Variants in CERT1 observed in about 807,000 individuals in gnomAD.
The protein encoded by CERT1 is ceramide transfer protein.
A neutral mutation model predicts 87.9 loss-of-function variants in CERT1; 31 were observed. The observed-to-expected ratio is 0.35, with a 90% CI of 0.27 to 0.48. CERT1 has a LOEUF of 0.48. CERT1 is among the 20% of genes least tolerant of loss of function. CERT1 has a pLI of 0.99. For missense variants in CERT1, 487 were observed against 758.0 expected, an observed-to-expected ratio of 0.64 and a Z score of 4.20; for synonymous variants, 289 against 250.9, an observed-to-expected ratio of 1.15 and a Z score of -1.44.
chr5:75,388,638 A>ATATATATATATATC (rs1554034746), intron 12 of CERT1, among the ~76,000 whole-genome samples: 2 of 107,570 alleles, frequency 1.9e-5, no homozygotes, highest in African/African-American at 7.2e-5. Context: ...ATATATATAT[A>ATATATATATATATC]TATCTCACAC....
At chr5:75,439,451 G>T (rs920484112) in intron 3 of CERT1, among the ~76,000 whole-genome samples, 3 of 151,942 alleles carry the variant, frequency 2.0e-5, no homozygotes, top group Admixed American at 6.6e-5. Flanking sequence ...GCACAGCAAA[G>T]AAATTGAGAG....
At position 75,371,544 on chromosome 5, in the gene CERT1, C is replaced by A. The variant is rs775296864; in HGVS notation, c.*10-2886G>T. 3.6e-4 allele frequency: 55 copies of A among 152,186 alleles called. 3 individuals are homozygous for A. The highest frequency in any genetic ancestry group is 1.2e-4 in the Non-Finnish European group (8 of 68,038). The allele number at this position is 152,186 out of a possible 1,614,324, so 9.4% of individuals were successfully genotyped here. A position where few individuals can be genotyped will look rare whatever the true frequency, so the allele number is the denominator to read the frequency against. On this transcript the variant is annotated intron_variant, in intron 17 of 17. Coordinates refer to the CERT1 transcript ENST00000261415. ...ATTTTGCCTTCTTACACCTCCCTTG[C>A]AGATATAACCCTCCTTTGGTTTAGC...
chr5:75,440,881 C>T (rs1211453874), intron 3 of CERT1, among the ~76,000 whole-genome samples: 1 of 152,102 alleles, frequency 6.6e-6, no homozygotes, highest in Non-Finnish European at 1.5e-5. Flanking sequence ...ACTTGTAATT[C>T]AGGGCTTTTG....
chr5:75,395,690 T>A (rs1419854016), intron 11 of CERT1, among the ~76,000 whole-genome samples: 1 of 151,516 alleles, frequency 6.6e-6, no homozygotes, highest in Non-Finnish European at 1.5e-5. Flanking sequence ...GGTGAAACCC[T>A]GTCTCTACTA....
Position 75,445,023 on chromosome 5 carries a change from A to C in CERT1, c.348+14042T>G, listed in dbSNP as rs146296240. Among the ~76,000 whole-genome samples the C allele has an allele frequency of 2.1e-3, 317 of 152,294 alleles. 1 individual carries two copies. The East Asian group carries it at 0.027, about 13-fold the overall frequency. On this transcript the variant is annotated intron_variant, in intron 3 of 16. Transcript: ENST00000643780. ...AACATACAAAAACTCTACTCCTTTG[A>C]AGCTCTGTCTTCACCCCTTTCAGTT...
intron 17 of CERT1, chr5:75,369,095 G>T (rs1007763761): frequency 1.3e-5 from 2 of 152,002 alleles, no homozygotes; most frequent in Non-Finnish European, 2.9e-5. Context: ...TTTATTTTTA[G>T]TAGAGACAAG....
At chr5:75,430,243 T>C (rs1050974411) in intron 3 of CERT1, among the ~76,000 whole-genome samples, 2 of 152,172 alleles carry the variant, frequency 1.3e-5, no homozygotes, top group Non-Finnish European at 2.9e-5. Context: ...ATTCTATCTA[T>C]AAAAAGTACT....
chr5:75,413,273 G>A (rs1763004004), intron 7 of CERT1, among the ~76,000 whole-genome samples: 1 of 152,180 alleles, frequency 6.6e-6, no homozygotes. Context: ...TCGTTATGCA[G>A]TGTATCACTG....
chr5:75,384,106 ATTG>A (rs1482895357), intron 14 of CERT1, among the ~76,000 whole-genome samples: 1 of 152,130 alleles, frequency 6.6e-6, no homozygotes, highest in African/African-American at 2.4e-5. Flanking sequence ...CATTACCCTT[ATTG>A]TTGTTGTCAC....
In CERT1 at chr5:75,389,645, C is replaced by T; in HGVS notation, c.1231G>A (p.Asp411Asn). The T allele has an allele frequency of 6.2e-7, 1 of 1,614,098 alleles. No homozygotes were observed. The highest frequency in any genetic ancestry group is 8.5e-7 in the Non-Finnish European group (1 of 1,179,992). ...TGCCAATTGGCATCTCCGCCTACAT[C>T]CTGTAATGAGTAAGTCATGTGGTTC... ...VQNHMTYSLQ[D>N]VGGDANWQLV... The change falls in exon 12 of 17, where the codon GAT (aspartate) becomes AAT (asparagine). Residue 411 changes from aspartate to asparagine, a missense_variant. Around this residue, in one of 8 missense-constraint regions of CERT1, gnomAD observed 147 missense variants for 200.8 expected, o/e 0.73. Coordinates refer to ENST00000643780, the MANE Select transcript of CERT1 (RefSeq NM_001379029.1).
intron 7 of CERT1, 39 bp from the exon 8 acceptor site, chr5:75,411,142 G>T (rs1157443053): frequency 2.6e-6 from 3 of 1,142,802 alleles, no homozygotes; most frequent in African/African-American, 1.6e-5. Flanking sequence ...TTTGAGGCAG[G>T]CATTTTAATT....
In CERT1 at chr5:75,511,619, G is replaced by A. The variant is rs1168203066; in HGVS notation, c.-412C>T. The A allele has an allele frequency of 1.4e-6, 2 of 1,476,148 alleles. No individual in the cohort carries two copies. The highest frequency in any genetic ancestry group is 9.0e-7 in the Non-Finnish European group (1 of 1,112,076). The allele number at this position is 1,476,148 out of a possible 1,614,324, so 91.4% of individuals were successfully genotyped here. On this transcript the variant is annotated 5_prime_UTR_variant, in exon 1 of 17. Coordinates refer to ENST00000643780, the MANE Select transcript of CERT1 (RefSeq NM_001379029.1). Reference sequence around the variant, plus strand: ...GCTACCGCCGCCATCTTCCTGCCTGGCCCACTATTTACCCTCCCCTCCCCT... The same window carrying A: ...GCTACCGCCGCCATCTTCCTGCCTGACCCACTATTTACCCTCCCCTCCCCT...
At chr5:75,373,785 T>C (rs1351561878), downstream of CERT1, 5 of 280,002 alleles carry the variant, frequency 1.8e-5, no homozygotes, top group East Asian at 6.0e-5. Flanking sequence ...CATTCAACTT[T>C]TGTGCTTTTC....
intron 2 of CERT1, among the ~76,000 whole-genome samples, chr5:75,502,184 G>A (rs947083280): frequency 6.6e-6 from 1 of 151,992 alleles, no homozygotes. Flanking sequence ...AAATAAAAAT[G>A]GGCTATAAAT....
At chr5:75,416,824 T>C (rs1763151270) in intron 7 of CERT1, 52 bp downstream of exon 7, 1 of 1,433,276 alleles carries the variant, frequency 7.0e-7, no homozygotes, top group Non-Finnish European at 9.5e-7. Context: ...ATTCAAACAA[T>C]ACGTAAAACT....
rs151212964 is a variant in CERT1 at position 75,395,707 on chromosome 5, C to T, written c.1188+3603G>A. Among the ~76,000 whole-genome samples the T allele has an allele frequency of 1.1e-3, 164 of 151,764 alleles. 1 individual carries two copies. The East Asian group carries it at 0.028, about 25-fold the overall frequency. On this transcript the variant is annotated intron_variant, in intron 11 of 16. Transcript: ENST00000643780. ...TGAAACCCTGTCTCTACTAAAAATA[C>T]AAAAATTAGCTGGGTGTGATAGCGT...
chr5:75,505,520 G>C (rs1341105923), intron 2 of CERT1: 1 of 152,158 alleles, frequency 6.6e-6, no homozygotes, highest in African/African-American at 2.4e-5. Context: ...ACTGTAAATA[G>C]CAAATCATGT....
chr5:75,511,456 T>C lies in CERT1; in HGVS notation c.-249A>G, dbSNP rs11549098. 1 of 1,531,968 alleles carries C rather than the reference T, an allele frequency of 6.5e-7. No individual in the cohort carries two copies. The highest frequency in any genetic ancestry group is 1.2e-5 in the South Asian group (1 of 82,296). 94.9% of individuals were successfully genotyped at this position (1,531,968 alleles called of 1,614,324 possible). On this transcript the variant is annotated 5_prime_UTR_variant, in exon 1 of 17. Transcript: ENST00000643780. ...TTCCAGCCGTCAGCCGCCGCCGCCG[T>C]CGCCGTGACCCCTGCGTTGCGCCCG...
chr5:75,447,776 C>CT (rs879565966), intron 3 of CERT1, among the ~76,000 whole-genome samples: 81 of 145,680 alleles, frequency 5.6e-4, no homozygotes, highest in South Asian at 2.0e-3. Flanking sequence ...ACCCGGCCTC[C>CT]TTTTTTTTTT....
Sources: allele counts gnomAD v4.1 joint callset (sites outside exome capture counted in the v4.1 genomes callset), GRCh38; gene constraint gnomAD v4.1.1; regional missense constraint gnomAD v4.1.1; transcripts MANE v1.5; gene names NCBI Gene and HGNC (gene_info 2026-07-23, HGNC 2026-07-21).